The following COMMD1 variants were observed in gnomAD, a reference collection of about 807,000 sequenced individuals.
COMMD1 encodes COMM domain-containing protein 1.
Under a neutral mutation model 17.2 loss-of-function variants are expected in COMMD1, and 10 were observed. The observed-to-expected ratio is 0.58, with a 90% confidence interval of 0.36 to 0.99. COMMD1 has a LOEUF of 0.99. Ranked by LOEUF, COMMD1 falls within the 50% of genes least tolerant of loss-of-function variation. COMMD1 has a pLI of 0.01. For synonymous variants in COMMD1, 97 were observed against 91.6 expected (o/e 1.06, Z -0.34); for missense variants, 270 against 231.8 (o/e 1.17, Z -1.07).
chr2:62,131,090 C>T (rs1185927849), intron 2 of COMMD1, among the ~76,000 whole-genome samples: 3 of 152,172 alleles, frequency 2.0e-5, no homozygotes, highest in Admixed American at 6.5e-5. Context: ...AGAGGGAATC[C>T]TCTCACGGAT....
upstream of COMMD1, among the ~76,000 whole-genome samples, chr2:61,900,774 C>T (rs965295465): frequency 6.6e-6 from 1 of 152,010 alleles, no homozygotes; most frequent in African/African-American, 2.4e-5. Context: ...AGAAAGACTT[C>T]TGAGGGATAA....
At chr2:61,900,574 T>TAACA (rs1669636329) in intron 1 of COMMD1, among the ~76,000 whole-genome samples, 1 of 152,196 alleles carries the variant, frequency 6.6e-6, no homozygotes, top group South Asian at 2.1e-4. Context: ...TGCCAGTCAG[T>TAACA]TGTGTCTAAA....
At position 61,905,731 on chromosome 2, in the gene COMMD1, C is replaced by G. The variant is rs184716877; in HGVS notation, c.53C>G (p.Ala18Gly). The G allele has an allele frequency of 2.5e-6, 4 of 1,611,256 alleles. No homozygotes were observed. In the African/African-American group the frequency reaches 5.3e-5, roughly 21 times the overall value. ...GGKPLSGLLN[A>G]LAQDTFHGYP... The stretch of plus-strand genomic sequence containing the variant: ...AAACCCCTGAGCGGGCTGCTGAATG[C>G]GCTGGCCCAGGACACTTTCCACGGG... Residue 18 changes from alanine (A) to glycine (G), a missense_variant, in exon 1 of 3, where the codon GCG becomes GGG. Ala to Gly is a moderately conservative substitution (Grantham distance 60). Coordinates refer to ENST00000311832, the MANE Select transcript of COMMD1 (RefSeq NM_152516.4).
At chr2:62,108,730 A>G (rs1281696083) in intron 2 of COMMD1, among the ~76,000 whole-genome samples, 1 of 152,062 alleles carries the variant, frequency 6.6e-6, no homozygotes, top group Non-Finnish European at 1.5e-5. Flanking sequence ...GCCTTCAGTT[A>G]AAAAAAATCA....
chr2:61,959,319 A>C (rs1220847050), intron 1 of COMMD1, among the ~76,000 whole-genome samples: 1 of 152,192 alleles, frequency 6.6e-6, no homozygotes, highest in Non-Finnish European at 1.5e-5. Context: ...GGACAAGGAA[A>C]GGAAGGTCCA....
intron 2 of COMMD1, among the ~76,000 whole-genome samples, chr2:62,114,009 C>T (rs1415189662): frequency 6.6e-6 from 1 of 152,182 alleles, no homozygotes; most frequent in Non-Finnish European, 1.5e-5. Flanking sequence ...TGCAGGAGGC[C>T]TGTCCTCTCA....
intron 2 of COMMD1, among the ~76,000 whole-genome samples, chr2:62,034,806 A>AG (rs887319195): frequency 1.2e-4 from 18 of 152,168 alleles, no homozygotes; most frequent in Non-Finnish European, 1.3e-4. Flanking sequence ...TAAAAAAAAA[A>AG]GTCTCATCCT....
At chr2:61,982,837 A>G (rs755798726) in intron 1 of COMMD1, among the ~76,000 whole-genome samples, 6 of 152,132 alleles carry the variant, frequency 3.9e-5, no homozygotes, top group African/African-American at 9.7e-5. Flanking sequence ...TGATTTGTGT[A>G]TTTTGAACCA....
intron 1 of COMMD1, among the ~76,000 whole-genome samples, chr2:61,910,197 A>G (rs1170017660): frequency 1.3e-5 from 2 of 152,116 alleles, no homozygotes; most frequent in African/African-American, 2.4e-5. Context: ...CATCCTATAG[A>G]TAAATACTCT....
In COMMD1 at chr2:61,905,688, G is replaced by A; in HGVS notation, c.10G>A (p.Gly4Ser). 1 of 1,565,484 alleles carries A rather than the reference G, an allele frequency of 6.4e-7. No homozygotes were observed. The highest frequency in any genetic ancestry group is 1.2e-5 in the South Asian group (1 of 86,774). Reference sequence around the variant, plus strand: ...GGGGCCTTCGCAGAGCATGGCGGCGGGCGAGCTTGAGGGTGGCAAACCCCT... The same window carrying A: ...GGGGCCTTCGCAGAGCATGGCGGCGAGCGAGCTTGAGGGTGGCAAACCCCT... MAA[G>S]ELEGGKPLSG... The change falls in exon 1 of 3, where the codon GGC (glycine) becomes AGC (serine). Residue 4 changes from glycine (G) to serine (S), a missense_variant. Coordinates refer to ENST00000311832, the MANE Select transcript of COMMD1 (RefSeq NM_152516.4).
At chr2:62,079,434 A>T (rs763556001) in intron 2 of COMMD1, among the ~76,000 whole-genome samples, 6 of 152,140 alleles carry the variant, frequency 3.9e-5, no homozygotes, top group Non-Finnish European at 7.3e-5. Context: ...ATATATTGGG[A>T]TATTAGGACA....
Position 61,958,270 on chromosome 2 carries a change from T to C in COMMD1, c.181-42431T>C, listed in dbSNP as rs77616873. Among the ~76,000 whole-genome samples the C allele has an allele frequency of 1.0e-4, 12 of 117,424 alleles. No homozygotes were observed. The South Asian group carries it at 2.6e-3, about 25-fold the overall frequency. 77.0% of individuals were successfully genotyped at this position (117,424 alleles called of 152,430 possible). A position where few individuals can be genotyped will look rare whatever the true frequency, so the allele number is the denominator to read the frequency against. On this transcript the variant is annotated intron_variant, in intron 1 of 2. Transcript: ENST00000311832. ...TCTGTATTGTGGTTTCTTTCTTTCC[T>C]TTTTTTTTTTTTTGAGATGAAGTTT... is the stretch of plus-strand genomic sequence containing the variant.
chr2:62,002,560 G>T (rs975473039), intron 2 of COMMD1, among the ~76,000 whole-genome samples: 1 of 149,104 alleles, frequency 6.7e-6, no homozygotes, highest in Non-Finnish European at 1.5e-5. Context: ...AGGCGCAGTG[G>T]CTCATCTCTG....
At chr2:62,054,146 A>G (rs1306318736) in intron 2 of COMMD1, among the ~76,000 whole-genome samples, 1 of 152,216 alleles carries the variant, frequency 6.6e-6, no homozygotes, top group African/African-American at 2.4e-5. Context: ...TCGAAACCAC[A>G]ATGAGATATC....
intron 1 of COMMD1, among the ~76,000 whole-genome samples, chr2:61,971,679 CT>C (rs1671655734): frequency 6.6e-6 from 1 of 152,152 alleles, no homozygotes; most frequent in Non-Finnish European, 1.5e-5. Context: ...TTGCCTTGGC[CT>C]CCCAAAGTGC....
rs1266487321 is a variant in COMMD1, at chr2:61,956,594, A to G, written c.181-44107A>G. ...CTGGCTAATTTTTTGTATTTTTGGT[A>G]GAGATGGGGTTTCACCATGTTGGCC... On this transcript the variant is annotated intron_variant, in intron 1 of 2. Transcript: ENST00000311832. Among the ~76,000 whole-genome samples, 4 of 151,822 alleles carry G rather than the reference A, an allele frequency of 2.6e-5. No homozygotes were observed. The East Asian group carries it at 7.8e-4, about 30-fold the overall frequency.
intron 1 of COMMD1, among the ~76,000 whole-genome samples, chr2:61,894,648 T>TA (rs989931224): frequency 4.3e-4 from 64 of 150,388 alleles, no homozygotes; most frequent in African/African-American, 1.1e-3. Context: ...CAAGCTAAAT[T>TA]AAAAAAAATA....
intron 1 of COMMD1, among the ~76,000 whole-genome samples, chr2:61,960,886 G>T (rs1195661991): frequency 6.6e-6 from 1 of 152,212 alleles, no homozygotes; most frequent in Non-Finnish European, 1.5e-5. Context: ...CTCGGGCGAG[G>T]TTACCTGGTT....
chr2:62,023,664 T>C (rs1669674455), intron 2 of COMMD1, among the ~76,000 whole-genome samples: 1 of 152,196 alleles, frequency 6.6e-6, no homozygotes, highest in African/African-American at 2.4e-5. Context: ...TTTGTATTTT[T>C]AGTAGAGACG....
Sources: gnomAD v4.1 joint callset for allele counts (sites outside exome capture counted in the v4.1 genomes callset) on GRCh38, gnomAD v4.1.1 for gene constraint, MANE v1.5 for transcripts, NCBI Gene and HGNC (gene_info 2026-07-23, HGNC 2026-07-21) for gene names.